Variants in SDK1 observed in about 807,000 individuals in gnomAD.
The protein encoded by SDK1 is protein sidekick-1.
A neutral mutation model predicts 245.5 loss-of-function variants in SDK1; 157 were observed. The ratio of observed to expected loss-of-function variants is 0.64; its 90% confidence interval spans 0.56 to 0.73. The LOEUF is 0.73. Ranked by LOEUF, SDK1 falls within the 30% of genes least tolerant of loss-of-function variation. SDK1 has a pLI of 0.00. For synonymous variants in SDK1, 1,647 were observed against 1,278.5 expected (o/e 1.29, Z -6.15); for missense variants, 3,583 against 3,002.3 (o/e 1.19, Z -4.52).
rs75782626 is a variant in SDK1 at position 4,028,285 on chromosome 7, C to T, written c.2602+10933C>T. Among the ~76,000 whole-genome samples, 486 of 152,240 alleles carry T rather than the reference C, an allele frequency of 3.2e-3. 7 individuals carry two copies. The South Asian group carries it at 0.042, about 13-fold the overall frequency. On this transcript the variant is annotated intron_variant, in intron 17 of 44. Coordinates refer to ENST00000404826, the MANE Select transcript of SDK1 (RefSeq NM_152744.4). ...ATTGATAGGTAGAAGAATGTAATAC[C>T]AAGGACTAATAACCATGAGCCCCAC...
intron 35 of SDK1, among the ~76,000 whole-genome samples, chr7:4,180,631 A>T (rs1351124863): frequency 6.6e-6 from 1 of 152,254 alleles, no homozygotes; most frequent in Non-Finnish European, 1.5e-5. Flanking sequence ...GTAATTTATA[A>T]GAAAAGACGT....
At chr7:4,261,846 G>C (rs1583197782) in intron 44 of SDK1, among the ~76,000 whole-genome samples, 2 of 151,898 alleles carry the variant, frequency 1.3e-5, no homozygotes, top group Admixed American at 1.3e-4. Flanking sequence ...GCAGCGCCTT[G>C]GTCTCTGTGC....
chr7:3,397,869 T>C (rs945202874), intron 1 of SDK1, among the ~76,000 whole-genome samples: 1 of 152,116 alleles, frequency 6.6e-6, no homozygotes, highest in Admixed American at 6.6e-5. Context: ...ATCATAGTTA[T>C]GAATTTCTGG....
intron 4 of SDK1, among the ~76,000 whole-genome samples, chr7:3,786,668 A>C (rs543125850): frequency 6.6e-6 from 1 of 152,326 alleles, no homozygotes; most frequent in East Asian, 1.9e-4. Flanking sequence ...GAATTTTTAT[A>C]CAGTGAGTAC....
chr7:3,801,038 T>G (rs1011301018), intron 4 of SDK1, among the ~76,000 whole-genome samples: 2 of 152,214 alleles, frequency 1.3e-5, no homozygotes, highest in African/African-American at 2.4e-5. Flanking sequence ...TTGAAATTTT[T>G]GGCAAATTCC....
At chr7:3,970,892 T>G (rs1292158095) in intron 11 of SDK1, among the ~76,000 whole-genome samples, 1 of 152,180 alleles carries the variant, frequency 6.6e-6, no homozygotes, top group African/African-American at 2.4e-5. Context: ...CAGGTCCCCC[T>G]TAGAGGTATG....
chr7:3,518,494 AAAAG>A (rs888899433), intron 1 of SDK1, among the ~76,000 whole-genome samples: 35 of 152,110 alleles, frequency 2.3e-4, no homozygotes, highest in South Asian at 8.3e-4. Context: ...ACAGAAAAAA[AAAAG>A]AAAGATTAAA....
intron 4 of SDK1, among the ~76,000 whole-genome samples, chr7:3,751,722 G>T (rs1319624722): frequency 3.9e-5 from 6 of 152,190 alleles, no homozygotes; most frequent in African/African-American, 9.7e-5. Flanking sequence ...GCGGAAGGGG[G>T]TTCCAGTCAA....
At chr7:4,016,927 T>C (rs888370400) in intron 16 of SDK1, among the ~76,000 whole-genome samples, 2 of 152,234 alleles carry the variant, frequency 1.3e-5, no homozygotes, top group African/African-American at 4.8e-5. Context: ...CTGTAATTTT[T>C]TCTTAACCGT....
chr7:3,794,102 G>A (rs1029744434), intron 4 of SDK1, among the ~76,000 whole-genome samples: 1 of 151,996 alleles, frequency 6.6e-6, no homozygotes, highest in Admixed American at 6.5e-5. Flanking sequence ...TCTATTTTAC[G>A]TTTTATGATT....
At chr7:4,053,980 C>T (rs1191443936) in intron 19 of SDK1, among the ~76,000 whole-genome samples, 2 of 151,674 alleles carry the variant, frequency 1.3e-5, no homozygotes, top group Non-Finnish European at 2.9e-5. Context: ...GCTCTGTTGC[C>T]CAGGCTGGAG....
At chr7:4,222,687 T>A (rs1254848652) in intron 40 of SDK1, among the ~76,000 whole-genome samples, 1 of 152,108 alleles carries the variant, frequency 6.6e-6, no homozygotes, top group Non-Finnish European at 1.5e-5. Context: ...AACTCAGAAA[T>A]CCAGACGTGC....
chr7:3,512,611 CTT>C (rs1213419654), intron 1 of SDK1, among the ~76,000 whole-genome samples: 1 of 152,194 alleles, frequency 6.6e-6, no homozygotes, highest in Non-Finnish European at 1.5e-5. Context: ...TCCGCATCCT[CTT>C]TACCATTTGG....
intron 1 of SDK1, among the ~76,000 whole-genome samples, chr7:3,506,183 C>T (rs911701818): frequency 3.3e-5 from 5 of 151,756 alleles, no homozygotes; most frequent in African/African-American, 1.2e-4. Context: ...AACTAGTTCT[C>T]TCAGATTTTG....
chr7:4,227,596 G>A (rs1056759103), intron 40 of SDK1, among the ~76,000 whole-genome samples: 2 of 152,160 alleles, frequency 1.3e-5, no homozygotes, highest in East Asian at 1.9e-4. Context: ...ACAGTCAAGC[G>A]GTTGGTTGTG....
At chr7:4,113,560 T>C (rs1268244486) in intron 24 of SDK1, 121 bp downstream of exon 24, 4 of 1,137,648 alleles carry the variant, frequency 3.5e-6, no homozygotes, top group Non-Finnish European at 5.0e-6. Flanking sequence ...ACTAATCTCA[T>C]CGTCAAACCA....
At chr7:3,388,743 CTATAT>C (rs1192134820) in intron 1 of SDK1, among the ~76,000 whole-genome samples, 1 of 152,052 alleles carries the variant, frequency 6.6e-6, no homozygotes, top group Non-Finnish European at 1.5e-5. Context: ...ATATATGTAA[CTATAT>C]TATATTATGG....
intron 1 of SDK1, among the ~76,000 whole-genome samples, chr7:3,450,576 CGAG>C (rs1780483821): frequency 6.6e-6 from 1 of 152,016 alleles, no homozygotes; most frequent in South Asian, 2.1e-4. Context: ...TTTATGAAAA[CGAG>C]GGGAGGAATG....
In SDK1 at chr7:3,971,438, T is replaced by C. The variant is rs377604842; in HGVS notation, c.1715-28T>C. 3.2e-5 allele frequency: 48 copies of C among 1,519,788 alleles called. No homozygotes were observed. In the African/African-American group the frequency reaches 5.9e-4, roughly 19 times the overall value. The allele number at this position is 1,519,788 out of a possible 1,614,324, so 94.1% of individuals were successfully genotyped here. A position where few individuals can be genotyped will look rare whatever the true frequency, so the allele number is the denominator to read the frequency against. On this transcript the variant is annotated intron_variant, in intron 11 of 44. Transcript: ENST00000404826. ...AGAAACTGTCAAACTTGTCATTTCG[T>C]CTGACTCGTGACTTGTGTTTTTTTC...
Sources: gnomAD v4.1 joint callset for allele counts (sites outside exome capture counted in the v4.1 genomes callset) on GRCh38, gnomAD v4.1.1 for gene constraint, MANE v1.5 for transcripts, NCBI Gene and HGNC (gene_info 2026-07-23, HGNC 2026-07-21) for gene names.